Variants in NME7 observed in about 807,000 individuals in gnomAD.
NME7 encodes nucleoside diphosphate kinase 7.
In NME7, 41 loss-of-function variants were observed where a neutral mutation model predicts 49.1. That is an observed-to-expected ratio of 0.83 (90% CI 0.65 to 1.08). NME7 has a LOEUF of 1.08. Among genes scored for constraint, NME7 ranks in the 50% least tolerant of loss-of-function variants. NME7 has a pLI of 0.00. For synonymous variants in NME7, 139 were observed against 150.6 expected (o/e 0.92, Z 0.56); for missense variants, 423 against 463.4 (o/e 0.91, Z 0.80).
chr1:169,289,511 C>A (rs557889014), intron 6 of NME7, among the ~76,000 whole-genome samples: 2 of 152,120 alleles, frequency 1.3e-5, no homozygotes, highest in Non-Finnish European at 2.9e-5. Context: ...AGTGGCAAAG[C>A]CAGGATTCAA....
intron 11 of NME7, 127 bp from the exon 12 acceptor site, chr1:169,132,944 A>G (rs1253439185): frequency 2.0e-6 from 1 of 493,934 alleles, no homozygotes; most frequent in African/African-American, 2.4e-5. Flanking sequence ...CTAAAAGTTA[A>G]TCAATCAATC....
intron 7 of NME7, among the ~76,000 whole-genome samples, chr1:169,251,752 T>C (rs1363508493): frequency 3.0e-5 from 4 of 134,086 alleles, no homozygotes; most frequent in African/African-American, 1.1e-4. Flanking sequence ...GATATTCCCC[T>C]TCCTGTGTCC....
At chr1:169,299,271 T>TA (rs3835448) in intron 5 of NME7, among the ~76,000 whole-genome samples, 26 of 148,366 alleles carry the variant, frequency 1.8e-4, no homozygotes, top group East Asian at 1.4e-3. Context: ...GGTTTGGTGA[T>TA]AAAAAAAAAA....
intron 10 of NME7, among the ~76,000 whole-genome samples, chr1:169,214,859 T>A (rs1571297654): frequency 6.6e-6 from 1 of 152,150 alleles, no homozygotes; most frequent in Non-Finnish European, 1.5e-5. Context: ...CCCCAGAGGG[T>A]GTGTTACAAT....
At chr1:169,342,393 C>G (rs1028930958) in intron 1 of NME7, among the ~76,000 whole-genome samples, 1 of 151,372 alleles carries the variant, frequency 6.6e-6, no homozygotes, top group African/African-American at 2.4e-5. Flanking sequence ...GTCAATTAAA[C>G]TTCTTTTCTT....
intron 7 of NME7, among the ~76,000 whole-genome samples, chr1:169,258,401 TATATACAC>T (rs1340149065): frequency 1.5e-5 from 1 of 68,554 alleles, no homozygotes; most frequent in African/African-American, 5.5e-5. Context: ...TATATATATA[TATATACAC>T]ACACACACAC....
At chr1:169,145,755 A>C (rs1414800472) in intron 11 of NME7, among the ~76,000 whole-genome samples, 2 of 152,232 alleles carry the variant, frequency 1.3e-5, no homozygotes, top group Non-Finnish European at 2.9e-5. Flanking sequence ...CCCGAATTTA[A>C]AAACAAGAAA....
At chr1:169,250,201 G>A (rs1347383900) in intron 7 of NME7, among the ~76,000 whole-genome samples, 1 of 151,904 alleles carries the variant, frequency 6.6e-6, no homozygotes, top group Non-Finnish European at 1.5e-5. Context: ...GCTTAATCTA[G>A]GAGTGTTTAT....
intron 5 of NME7, chr1:169,302,353 C>T (rs978445979): frequency 1.3e-5 from 2 of 151,936 alleles, no homozygotes; most frequent in Non-Finnish European, 2.9e-5. Context: ...TGGAATCAAC[C>T]CAGGCGCCCA....
chr1:169,342,849 GTATA>G lies in NME7; in HGVS notation c.4-18353_4-18350del, dbSNP rs1219665267. On this transcript the variant is annotated intron_variant, in intron 1 of 11. Transcript: ENST00000367811. Reference sequence around the variant, plus strand: ...ATATATACAAGTACATATATATATAGTATATATATATACAAGTACATATATATAG... The same window carrying G: ...ATATATACAAGTACATATATATATAGTATATATACAAGTACATATATATAG... 9.4e-5 allele frequency among the ~76,000 whole-genome samples: 5 copies of G among 53,456 alleles called. 1 individual carries two copies. Among genetic ancestry groups the G allele is most frequent in the African/African-American group, 3.4e-4 (5 of 14,732 alleles). The allele number at this position is 53,456 out of a possible 152,430, so 35.1% of individuals were successfully genotyped here. A position where few individuals can be genotyped will look rare whatever the true frequency, so the allele number is the denominator to read the frequency against.
intron 7 of NME7, among the ~76,000 whole-genome samples, chr1:169,257,319 C>G (rs1301887451): frequency 7.5e-6 from 1 of 134,086 alleles, no homozygotes; most frequent in South Asian, 2.3e-4. Context: ...TGGGAGTGAC[C>G]CGATTTTCCA....
chr1:169,207,830 T>C (rs1660714387), intron 10 of NME7, among the ~76,000 whole-genome samples: 1 of 152,032 alleles, frequency 6.6e-6, no homozygotes, highest in African/African-American at 2.4e-5. Flanking sequence ...AGTCTGGAAA[T>C]AAAGAAAACA....
intron 10 of NME7, among the ~76,000 whole-genome samples, chr1:169,178,973 A>G (rs1243503546): frequency 6.6e-6 from 1 of 152,038 alleles, no homozygotes; most frequent in East Asian, 1.9e-4. Context: ...GGCATGTGCC[A>G]CCACACCCGG....
At chr1:169,342,683 G>A (rs1387620706) in intron 1 of NME7, among the ~76,000 whole-genome samples, 1 of 36,130 alleles carries the variant, frequency 2.8e-5, no homozygotes, top group Non-Finnish European at 4.6e-5. Flanking sequence ...ATATATACAA[G>A]TACATATATA....
intron 10 of NME7, among the ~76,000 whole-genome samples, chr1:169,228,502 C>T (rs1647440604): frequency 6.6e-6 from 1 of 151,256 alleles, no homozygotes; most frequent in South Asian, 2.1e-4. Context: ...AAGGTGAAAC[C>T]CCGTCTCTAC....
chr1:169,209,890 A>G (rs1197936975), intron 10 of NME7, among the ~76,000 whole-genome samples: 1 of 152,112 alleles, frequency 6.6e-6, no homozygotes, highest in East Asian at 1.9e-4. Context: ...ATAAATGAAA[A>G]TCTTTCAGGA....
At chr1:169,293,812 A>G (rs1358242980) in intron 6 of NME7, among the ~76,000 whole-genome samples, 2 of 152,140 alleles carry the variant, frequency 1.3e-5, no homozygotes, top group Non-Finnish European at 2.9e-5. Flanking sequence ...TCCCATTCAT[A>G]AACATGGCAT....
chr1:169,366,720 G>A (rs1653874155), intron 1 of NME7, among the ~76,000 whole-genome samples: 1 of 152,282 alleles, frequency 6.6e-6, no homozygotes, highest in South Asian at 2.1e-4. Context: ...GAAATGGCCT[G>A]TTATACTCCA....
chr1:169,367,499 G>A (rs1653919281), intron 1 of NME7, among the ~76,000 whole-genome samples: 1 of 152,160 alleles, frequency 6.6e-6, no homozygotes, highest in South Asian at 2.1e-4. Context: ...CATTACTCTA[G>A]AGACTTAGTA....
Sources: gnomAD v4.1 joint callset for allele counts (sites outside exome capture counted in the v4.1 genomes callset) on GRCh38, gnomAD v4.1.1 for gene constraint, MANE v1.5 for transcripts, NCBI Gene and HGNC (gene_info 2026-07-23, HGNC 2026-07-21) for gene names.